The following ASS1 variants were observed in gnomAD, a reference collection of about 807,000 sequenced individuals.
The protein encoded by ASS1 is argininosuccinate synthase 1, also known as argininosuccinate synthase.
A neutral mutation model predicts 60.5 loss-of-function variants in ASS1; 58 were observed. The observed-to-expected ratio is 0.96, with a 90% CI of 0.78 to 1.19. The LOEUF is 1.19. Among genes scored for constraint, ASS1 ranks in the 50% most tolerant of loss-of-function variants. ASS1 has a pLI of 0.00. For missense variants in ASS1, 454 were observed against 547.3 expected (o/e 0.83, Z 1.70); for synonymous variants, 200 against 206.9 (o/e 0.97, Z 0.29).
Position 130,489,180 on chromosome 9 carries a change from C to T in ASS1, c.839-153C>T, listed in dbSNP as rs894733321. ...TGAACATAATGACAGATGCATTTTG[C>T]AGCAAGCTGGGAGTGAATGGGTCCG... On this transcript the variant is annotated intron_variant, in intron 11 of 14. Coordinates refer to ENST00000352480, the MANE Select transcript of ASS1 (RefSeq NM_054012.4). This position sits in a 1 kb window ranked among gnomAD's most constrained non-coding sequence, Gnocchi z 4.1. 1.3e-5 allele frequency among the ~76,000 whole-genome samples: 2 copies of T among 152,066 alleles called. No homozygotes were observed. Among genetic ancestry groups the T allele is most frequent in the East Asian group, 1.9e-4 (1 of 5,196 alleles).
At chr9:130,500,391 C>T (rs901503618) in intron 14 of ASS1, among the ~76,000 whole-genome samples, 8 of 152,156 alleles carry the variant, frequency 5.3e-5, no homozygotes, top group African/African-American at 1.9e-4. Context: ...GAGCTGAGTC[C>T]GGAGGGCCTG....
chr9:130,448,845 T>A lies in ASS1; in HGVS notation c.-5-3379T>A, dbSNP rs539952635. On this transcript the variant is annotated intron_variant, in intron 1 of 14. Coordinates refer to ENST00000352480, the MANE Select transcript of ASS1 (RefSeq NM_054012.4). ...GTCCAAAGTGCTGGGATTACAGGCA[T>A]GAACCACTGTGCTCGGCCATGAGAG... is the stretch of plus-strand genomic sequence containing the variant. 2.4e-4 allele frequency among the ~76,000 whole-genome samples: 36 copies of A among 152,294 alleles called. No individual in the cohort carries two copies. In the South Asian group the frequency reaches 6.2e-3, roughly 26 times the overall value.
chr9:130,477,406 A>G lies in ASS1; in HGVS notation c.688+445A>G, dbSNP rs1454379621. 6.6e-6 allele frequency among the ~76,000 whole-genome samples: 1 copy of G among 152,156 alleles called. No individual in the cohort carries two copies. Among genetic ancestry groups the G allele is most frequent in the East Asian group, 1.9e-4 (1 of 5,192 alleles). ...CGGTGAGTGTTGGCGAGCTGGCCTC[A>G]TGGACCCCTGGGACCCCACATGGAA... On this transcript the variant is annotated intron_variant, in intron 9 of 14. Transcript: ENST00000352480. The surrounding 1 kb of genome is among the most constrained non-coding windows in gnomAD (Gnocchi z 4.2).
At chr9:130,466,461 C>T (rs987513025) in intron 5 of ASS1, 2 of 557,026 alleles carry the variant, frequency 3.6e-6, no homozygotes, top group Non-Finnish European at 6.5e-6. Context: ...GACTGAGGCC[C>T]AGGGAACAGG....
At chr9:130,451,368 G>T (rs1009207914) in intron 1 of ASS1, among the ~76,000 whole-genome samples, 6 of 152,176 alleles carry the variant, frequency 3.9e-5, no homozygotes, top group African/African-American at 1.4e-4. Flanking sequence ...GAGGTCTTAG[G>T]CCTCTGCCTG....
At chr9:130,468,745 T>A (rs1240784671) in intron 6 of ASS1, among the ~76,000 whole-genome samples, 2 of 152,176 alleles carry the variant, frequency 1.3e-5, no homozygotes, top group African/African-American at 2.4e-5. Flanking sequence ...GGCTAATTTT[T>A]AAATTTTTTT....
At chr9:130,467,080 C>A (rs1845760576) in intron 6 of ASS1, among the ~76,000 whole-genome samples, 1 of 152,200 alleles carries the variant, frequency 6.6e-6, no homozygotes, top group Non-Finnish European at 1.5e-5. Flanking sequence ...CTCTCTCCTG[C>A]TCCCTGGGAG....
intron 1 of ASS1, among the ~76,000 whole-genome samples, chr9:130,448,938 A>T (rs973150219): frequency 5.9e-5 from 9 of 152,168 alleles, no homozygotes; most frequent in African/African-American, 2.2e-4. Context: ...TGACCTCCAG[A>T]GAGTGGAACT....
In ASS1 at chr9:130,480,414, T is replaced by C; in HGVS notation, c.803T>C (p.Ile268Thr). The C allele has an allele frequency of 6.2e-7, 1 of 1,614,148 alleles. No homozygotes were observed. Among genetic ancestry groups the C allele is most frequent in the South Asian group, 1.1e-5 (1 of 91,084 alleles). ...AAGCATGGCGTGGGCCGTATTGACA[T>C]CGTGGAGAACCGCTTCATTGGAATG... Reference protein sequence around the residue: ...AGKHGVGRIDIVENRFIGMKS... With the variant: ...AGKHGVGRIDTVENRFIGMKS... The change falls in exon 11 of 15, where the codon ATC becomes ACC. Residue 268 changes from isoleucine to threonine, a missense_variant. Physicochemically the swap from Ile to Thr is moderately conservative, Grantham distance 89. Transcript: ENST00000352480.
In ASS1 at chr9:130,483,096, T is replaced by C. The variant is rs901954243; in HGVS notation, c.838+2647T>C. 3.3e-5 allele frequency among the ~76,000 whole-genome samples: 5 copies of C among 152,198 alleles called. No individual in the cohort carries two copies. The East Asian group carries it at 9.6e-4, about 29-fold the overall frequency. ...GGTAATTTTAGGGTGGTGTCTTGTTTTTATTTCTCTACTCCAAATATTTCA... is the reference window on the plus strand; with the variant it reads ...GGTAATTTTAGGGTGGTGTCTTGTTCTTATTTCTCTACTCCAAATATTTCA... On this transcript the variant is annotated intron_variant, in intron 11 of 14. Transcript: ENST00000352480.
At chr9:130,471,058 G>A (rs964519271) in intron 7 of ASS1, among the ~76,000 whole-genome samples, 154 bp downstream of exon 7, 4 of 152,338 alleles carry the variant, frequency 2.6e-5, no homozygotes, top group South Asian at 4.1e-4. Context: ...CGAAGCGCCC[G>A]GCTCATGCAC....
At chr9:130,448,422 G>GCACACACACACACACACA (rs3085579) in intron 1 of ASS1, among the ~76,000 whole-genome samples, 8 of 143,294 alleles carry the variant, frequency 5.6e-5, no homozygotes, top group African/African-American at 2.2e-4. Context: ...GTGTGCGCGC[G>GCACACACACACACACACA]CACACACACA....
chr9:130,469,985 G>A (rs79054369), intron 6 of ASS1, among the ~76,000 whole-genome samples: 8,761 of 152,230 alleles, frequency 0.058, 816 homozygotes, highest in African/African-American at 0.2. Context: ...TGCACCCTGT[G>A]CCCTATAAGC....
rs1264374921 is a variant in ASS1, at chr9:130,476,810, G to A, written c.598-61G>A. ...AGGGGTGCAGATCCCCGCGGGAGGTGGGCTGTAGGGTGTCCAGGGACTGGT... is the reference window on the plus strand; with the variant it reads ...AGGGGTGCAGATCCCCGCGGGAGGTAGGCTGTAGGGTGTCCAGGGACTGGT... On this transcript the variant is annotated intron_variant, in intron 8 of 14. Transcript: ENST00000352480. The surrounding 1 kb of genome is among the most constrained non-coding windows in gnomAD (Gnocchi z 4.9). The A allele has an allele frequency of 4.8e-6, 7 of 1,472,814 alleles. No homozygotes were observed. In the East Asian group the frequency reaches 1.1e-4, roughly 24 times the overall value. 91.2% of individuals were successfully genotyped at this position (1,472,814 alleles called of 1,614,324 possible).
In ASS1 at chr9:130,476,506, C is replaced by T. The variant is rs532840575; in HGVS notation, c.598-365C>T. On this transcript the variant is annotated intron_variant, in intron 8 of 14. Transcript: ENST00000352480. The surrounding 1 kb of genome is among the most constrained non-coding windows in gnomAD (Gnocchi z 4.9). ...AGAATAAACCCCAATCCCGAGCCGGCGAGAGCGTGCGTGCCGCTCCTGGGA... is the reference window on the plus strand; with the variant it reads ...AGAATAAACCCCAATCCCGAGCCGGTGAGAGCGTGCGTGCCGCTCCTGGGA... The T allele has an allele frequency of 4.3e-4, 177 of 410,282 alleles. No homozygotes were observed. Among genetic ancestry groups the T allele is most frequent in the Non-Finnish European group, 7.1e-4 (154 of 218,072 alleles). 25.4% of individuals were successfully genotyped at this position (410,282 alleles called of 1,614,324 possible). A position where few individuals can be genotyped will look rare whatever the true frequency, so the allele number is the denominator to read the frequency against.
At chr9:130,452,402 C>G in intron 2 of ASS1, 69 bp downstream of exon 2, 1 of 1,382,840 alleles carries the variant, frequency 7.2e-7, no homozygotes, top group Non-Finnish European at 1.0e-6. Flanking sequence ...CCCCTGCCAG[C>G]CTCTGTCTGG....
chr9:130,472,061 G>A (rs1290927075), intron 8 of ASS1, among the ~76,000 whole-genome samples: 1 of 152,164 alleles, frequency 6.6e-6, no homozygotes, highest in Non-Finnish European at 1.5e-5. Flanking sequence ...CTCTCCCGGG[G>A]GTAGGGGGCT....
At chr9:130,449,640 G>A (rs781599178) in intron 1 of ASS1, among the ~76,000 whole-genome samples, 1 of 152,134 alleles carries the variant, frequency 6.6e-6, no homozygotes, top group Non-Finnish European at 1.5e-5. Context: ...GCTGATCTGA[G>A]TTGGAGTCCT....
chr9:130,481,777 AGGGGAGGCAGGCTC>A (rs1846182020), intron 11 of ASS1, among the ~76,000 whole-genome samples: 1 of 152,180 alleles, frequency 6.6e-6, no homozygotes, highest in Non-Finnish European at 1.5e-5. Flanking sequence ...GGAGCGCGGA[AGGGGAGGCAGGCTC>A]GCCTCTTTCT....
Sources: allele counts gnomAD v4.1 joint callset (sites outside exome capture counted in the v4.1 genomes callset), GRCh38; gene constraint gnomAD v4.1.1; non-coding constraint Gnocchi (gnomAD v3.1); transcripts MANE v1.5; gene names NCBI Gene and HGNC (gene_info 2026-07-23, HGNC 2026-07-21).